PUS7: variants seen among roughly 807,000 people sequenced by gnomAD.
PUS7 encodes the protein pseudouridylate synthase 7 homolog.
In PUS7, 48 loss-of-function variants were observed where a neutral mutation model predicts 79.8. That is an observed-to-expected ratio of 0.60 (90% confidence interval 0.48 to 0.76). The LOEUF (loss-of-function observed/expected upper bound fraction) is 0.76, where lower values mean the gene tolerates loss of function less well. Ranked by LOEUF, PUS7 falls within the 30% of genes least tolerant of loss-of-function variation. The probability of loss-of-function intolerance (pLI) is 0.00; values close to 1 mark genes in which losing one functional copy is unlikely to be tolerated. For missense variants in PUS7, 729 were observed against 797.6 expected, an observed-to-expected ratio of 0.91 and a Z score of 1.04; for synonymous variants, 286 against 272.2, an observed-to-expected ratio of 1.05 and a Z score of -0.50.
chr7:105,517,333 G>C (rs940226548), intron 1 of PUS7, among the ~76,000 whole-genome samples: 4 of 151,824 alleles, frequency 2.6e-5, no homozygotes, highest in Admixed American at 2.6e-4. Context: ...GCTAATTTTT[G>C]TATTTTTAGT....
rs1825299357 is a variant in PUS7 at position 105,502,578 on chromosome 7, C to A, written c.586-14G>T. The A allele has an allele frequency of 4.3e-6, 7 of 1,612,048 alleles. No individual in the cohort carries two copies. The highest frequency in any genetic ancestry group is 1.7e-5 in the Admixed American group (1 of 59,698). ...GTCCTCGATAACCTATTAAAAAAAA[C>A]AGATAGCAATACCACCAAGTTAACA... is the stretch of plus-strand genomic sequence containing the variant. On this transcript the variant is annotated splice_polypyrimidine_tract_variant and intron_variant, in intron 4 of 15. Coordinates refer to ENST00000469408, the MANE Select transcript of PUS7 (RefSeq NM_019042.5).
chr7:105,460,227 C>T (rs960408915), intron 14 of PUS7, among the ~76,000 whole-genome samples: 7 of 152,224 alleles, frequency 4.6e-5, no homozygotes, highest in Admixed American at 2.0e-4. Context: ...CGTGAGCCAC[C>T]GTGCCCAGCC....
chr7:105,484,237 C>T (rs918792531), intron 7 of PUS7, among the ~76,000 whole-genome samples: 1 of 152,082 alleles, frequency 6.6e-6, no homozygotes, highest in Non-Finnish European at 1.5e-5. Context: ...TTTAGGTACC[C>T]AAGCATGATT....
chr7:105,475,396 A>AGCTG (rs1824058869), intron 9 of PUS7, among the ~76,000 whole-genome samples: 3 of 151,736 alleles, frequency 2.0e-5, no homozygotes, highest in African/African-American at 7.3e-5. Flanking sequence ...TGTGTTAGCC[A>AGCTG]GGATGGTCTC....
chr7:105,472,189 T>C lies in PUS7; in HGVS notation c.1180A>G (p.Ile394Val), dbSNP rs1171360576. 2 of 1,577,400 alleles carry C rather than the reference T, an allele frequency of 1.3e-6. No individual in the cohort carries two copies. The highest frequency in any genetic ancestry group is 1.3e-5 in the African/African-American group (1 of 74,250). Residue 394 changes from isoleucine (I) to valine (V), a missense_variant, in exon 10 of 16, where the codon ATA (isoleucine) becomes GTA (valine). Ile to Val is a conservative substitution (Grantham distance 29). Transcript: ENST00000469408. ...AVPTYQVGRA[I>V]LQNSWTEVMD... is the part of the protein sequence containing the mutation. ...ACTTCTGTCCAGGAATTTTGTAGTA[T>C]AGCTCTAAAATTAAACAACATTTAT...
intron 1 of PUS7, among the ~76,000 whole-genome samples, chr7:105,511,942 G>A (rs1363089729): frequency 1.3e-5 from 2 of 151,868 alleles, no homozygotes; most frequent in African/African-American, 2.4e-5. Flanking sequence ...TCAGGAGTTC[G>A]AGACCAGCCT....
At chr7:105,471,531 G>C (rs1487920357) in intron 10 of PUS7, among the ~76,000 whole-genome samples, 6 of 152,176 alleles carry the variant, frequency 3.9e-5, no homozygotes, top group Non-Finnish European at 8.8e-5. Flanking sequence ...CTAAAATAGA[G>C]GCTGGGCGTG....
At chr7:105,515,152 T>C (rs1431997933) in intron 1 of PUS7, among the ~76,000 whole-genome samples, 2 of 152,166 alleles carry the variant, frequency 1.3e-5, no homozygotes, top group Non-Finnish European at 2.9e-5. Flanking sequence ...TTCCCTTTGG[T>C]GTCCTGCTTA....
rs1207029320 is a variant in PUS7 at position 105,457,720 on chromosome 7, G to C, written c.*70C>G. On this transcript the variant is annotated 3_prime_UTR_variant, in exon 16 of 16. Coordinates refer to ENST00000469408, the MANE Select transcript of PUS7 (RefSeq NM_019042.5). ...AAATCCATATATGAGTCTGAACTAA[G>C]ACAAAAATGCACAGGGAGCCAGGAA... 3 of 1,515,316 alleles carry C rather than the reference G, an allele frequency of 2.0e-6. No homozygotes were observed. The highest frequency in any genetic ancestry group is 2.8e-5 in the African/African-American group (2 of 71,852). The allele number at this position is 1,515,316 out of a possible 1,614,324, so 93.9% of individuals were successfully genotyped here. A position where few individuals can be genotyped will look rare whatever the true frequency, so the allele number is the denominator to read the frequency against.
chr7:105,517,443 G>C (rs538203173), intron 1 of PUS7, among the ~76,000 whole-genome samples: 24 of 152,324 alleles, frequency 1.6e-4, no homozygotes, highest in African/African-American at 5.5e-4. Flanking sequence ...TCACAGGCAT[G>C]AGCCACCACG....
intron 4 of PUS7, among the ~76,000 whole-genome samples, chr7:105,505,694 G>T (rs1040924364): frequency 3.9e-5 from 6 of 152,090 alleles, no homozygotes; most frequent in African/African-American, 1.4e-4. Context: ...GAGTAGCTAG[G>T]ACTTTGGAAT....
At chr7:105,514,853 G>A (rs13237730) in intron 1 of PUS7, among the ~76,000 whole-genome samples, 1,752 of 150,598 alleles carry the variant, frequency 0.012, 24 homozygotes, top group African/African-American at 0.034. Context: ...GAGCAGTGGC[G>A]CAATCTCGGC....
chr7:105,505,368 G>A (rs1825413866), intron 4 of PUS7, among the ~76,000 whole-genome samples: 1 of 152,088 alleles, frequency 6.6e-6, no homozygotes, highest in Admixed American at 6.6e-5. Flanking sequence ...TTCTTCAATA[G>A]CAGAATTGAC....
rs1378769754 is a variant in PUS7, at chr7:105,486,722, T to C, written c.921-4282A>G. Reference sequence around the variant, plus strand: ...ATGGTGCCACAGAAGTGCCTGATAGTTCTGTCCTTTTTTTTTTTAAGTTGA... The same window carrying C: ...ATGGTGCCACAGAAGTGCCTGATAGCTCTGTCCTTTTTTTTTTTAAGTTGA... On this transcript the variant is annotated intron_variant, in intron 7 of 15. Coordinates refer to ENST00000469408, the MANE Select transcript of PUS7 (RefSeq NM_019042.5). 3.9e-5 allele frequency among the ~76,000 whole-genome samples: 6 copies of C among 152,166 alleles called. No homozygotes were observed. In the East Asian group the frequency reaches 1.2e-3, roughly 29 times the overall value.
At chr7:105,482,597 C>T (rs1824371130) in intron 7 of PUS7, among the ~76,000 whole-genome samples, 157 bp from the exon 8 acceptor site, 1 of 152,144 alleles carries the variant, frequency 6.6e-6, no homozygotes, top group African/African-American at 2.4e-5. Context: ...TGGGCGTGTC[C>T]TTCTCTTCTC....
chr7:105,507,968 G>T, intron 2 of PUS7, 147 bp downstream of exon 2: 1 of 1,064,624 alleles, frequency 9.4e-7, no homozygotes, highest in Non-Finnish European at 1.2e-6. Flanking sequence ...ATTTATTCAG[G>T]CAGGTTTCCT....
intron 5 of PUS7, among the ~76,000 whole-genome samples, chr7:105,501,681 C>T (rs909608494): frequency 2.6e-5 from 4 of 152,012 alleles, no homozygotes; most frequent in African/African-American, 4.8e-5. Flanking sequence ...CTTGGCCGGG[C>T]GCACTGGCTC....
intron 1 of PUS7, among the ~76,000 whole-genome samples, chr7:105,520,619 G>T (rs1427173269): frequency 6.6e-6 from 1 of 152,138 alleles, no homozygotes; most frequent in Non-Finnish European, 1.5e-5. Flanking sequence ...CTACTCCGGA[G>T]GCTGAGGCAG....
rs55923593 is a variant in PUS7, at chr7:105,460,853, CAAA to C, written c.1758-1597_1758-1595del. Reference sequence around the variant, plus strand: ...TGGGCGACAGAGCGAGACTCCGTCTCAAAAAAAAAAAAAAAAAAAAAAATTTGT... The same window carrying C: ...TGGGCGACAGAGCGAGACTCCGTCTCAAAAAAAAAAAAAAAAAAAATTTGT... On this transcript the variant is annotated intron_variant, in intron 14 of 15. Coordinates refer to ENST00000469408, the MANE Select transcript of PUS7 (RefSeq NM_019042.5). Among the ~76,000 whole-genome samples, 184 of 83,560 alleles carry C rather than the reference CAAA, an allele frequency of 2.2e-3. 1 individual carries two copies. The highest frequency in any genetic ancestry group is 8.4e-3 in the African/African-American group (174 of 20,796). The allele number at this position is 83,560 out of a possible 152,430, so 54.8% of individuals were successfully genotyped here. A position where few individuals can be genotyped will look rare whatever the true frequency, so the allele number is the denominator to read the frequency against.
Sources: allele counts gnomAD v4.1 joint callset (sites outside exome capture counted in the v4.1 genomes callset), GRCh38; gene constraint gnomAD v4.1.1; transcripts MANE v1.5; gene names NCBI Gene and HGNC (gene_info 2026-07-23, HGNC 2026-07-21).